The following PMM2 variants were observed in gnomAD, a reference collection of about 807,000 sequenced individuals.
PMM2 encodes phosphomannomutase 2.
In PMM2, 35 loss-of-function variants were observed where a neutral mutation model predicts 33.2. The ratio of observed to expected loss-of-function variants is 1.06; its 90% CI spans 0.81 to 1.40. The LOEUF (loss-of-function observed/expected upper bound fraction) is 1.40, where lower values mean the gene tolerates loss of function less well. PMM2 is among the 40% of genes most tolerant of loss of function. The pLI, the probability that PMM2 is intolerant of heterozygous loss-of-function variation, is 0.00. For synonymous variants in PMM2, 153 were observed against 114.7 expected, an observed-to-expected ratio of 1.33 and a Z score of -2.13; for missense variants, 386 against 306.0, an observed-to-expected ratio of 1.26 and a Z score of -1.95.
rs1056898 is a variant in PMM2 at position 8,848,822 on chromosome 16, A to G, written c.*997A>G. On this transcript the variant is annotated 3_prime_UTR_variant, in exon 8 of 8. Coordinates refer to ENST00000268261, the MANE Select transcript of PMM2 (RefSeq NM_000303.3). ...CCCAGGCCTTCACCCAGACTTTACC[A>G]CGGAGGCGGCTGAGTGCAGCTACAG... The G allele has an allele frequency of 0.28, 43,127 of 152,138 alleles. 6,258 individuals are homozygous for G. The highest frequency in any genetic ancestry group is 0.34 in the South Asian group (1,648 of 4,816). The allele number at this position is 152,138 out of a possible 1,614,324, so 9.4% of individuals were successfully genotyped here. A position where few individuals can be genotyped will look rare whatever the true frequency, so the allele number is the denominator to read the frequency against.
At chr16:8,809,420 G>A (rs1023501053) in intron 4 of PMM2, 2 of 152,152 alleles carry the variant, frequency 1.3e-5, no homozygotes, top group African/African-American at 2.4e-5. Flanking sequence ...AAGAAACTGG[G>A]TGGTTTTCTT....
intron 7 of PMM2, among the ~76,000 whole-genome samples, chr16:8,827,927 TATA>T (rs1890164229): frequency 5.5e-5 from 4 of 72,892 alleles, no homozygotes; most frequent in Non-Finnish European, 1.1e-4. Context: ...ATGTTTTATA[TATA>T]ATATATATTT....
chr16:8,818,859 T>C (rs2060721907), intron 7 of PMM2, among the ~76,000 whole-genome samples: 1 of 152,130 alleles, frequency 6.6e-6, no homozygotes, highest in Non-Finnish European at 1.5e-5. Flanking sequence ...TGGAGTACCT[T>C]GGTTTGTTGC....
intron 7 of PMM2, chr16:8,829,266 A>G (rs1449148399): frequency 6.6e-6 from 1 of 152,282 alleles, no homozygotes; most frequent in African/African-American, 2.4e-5. Flanking sequence ...CTGGCTGGTA[A>G]GAAATGTTTA....
In PMM2 at chr16:8,798,507, G is replaced by T. The variant is rs142141349; in HGVS notation, c.66+559G>T. On this transcript the variant is annotated intron_variant, in intron 1 of 7. Transcript: ENST00000268261. Reference sequence around the variant, plus strand: ...GTGAGGATCAAATGAGATTGTGTAAGTTCTTGAAAGTATGTTGGACACAAC... The same window carrying T: ...GTGAGGATCAAATGAGATTGTGTAATTTCTTGAAAGTATGTTGGACACAAC... Among the ~76,000 whole-genome samples the T allele has an allele frequency of 2.6e-5, 4 of 152,268 alleles. No homozygotes were observed. In the East Asian group the frequency reaches 7.7e-4, roughly 29 times the overall value.
At chr16:8,837,829 C>T (rs564895520) in intron 7 of PMM2, among the ~76,000 whole-genome samples, 2 of 152,184 alleles carry the variant, frequency 1.3e-5, no homozygotes, top group African/African-American at 4.8e-5. Context: ...ATCAGGCGTC[C>T]CTGCAGTGAT....
intron 7 of PMM2, among the ~76,000 whole-genome samples, chr16:8,820,489 G>T (rs57725336): frequency 0.024 from 3,576 of 152,076 alleles, 132 homozygotes; most frequent in African/African-American, 0.081. Context: ...GAGTAGCTGG[G>T]ATTACCGGTG....
At chr16:8,843,953 G>C (rs1222357903) in intron 7 of PMM2, among the ~76,000 whole-genome samples, 6 of 152,214 alleles carry the variant, frequency 3.9e-5, no homozygotes, top group African/African-American at 1.4e-4. Flanking sequence ...GGGACAGGCG[G>C]GAGGGAAAGA....
In PMM2 at chr16:8,847,940, C is replaced by A; in HGVS notation, c.*115C>A. On this transcript the variant is annotated 3_prime_UTR_variant, in exon 8 of 8. Coordinates refer to ENST00000268261, the MANE Select transcript of PMM2 (RefSeq NM_000303.3). ...CCACCCGCAGCCTAGGCAGGCTCTGCATGCTATGCCAGGCATGTGCAGTCT... is the reference window on the plus strand; with the variant it reads ...CCACCCGCAGCCTAGGCAGGCTCTGAATGCTATGCCAGGCATGTGCAGTCT... The A allele has an allele frequency of 1.3e-6, 1 of 742,742 alleles. No individual in the cohort carries two copies. The highest frequency in any genetic ancestry group is 2.4e-6 in the Non-Finnish European group (1 of 425,372). 46.0% of individuals were successfully genotyped at this position (742,742 alleles called of 1,614,324 possible). A position where few individuals can be genotyped will look rare whatever the true frequency, so the allele number is the denominator to read the frequency against.
intron 7 of PMM2, among the ~76,000 whole-genome samples, chr16:8,837,346 G>A (rs2060856707): frequency 6.6e-6 from 1 of 151,950 alleles, no homozygotes; most frequent in Non-Finnish European, 1.5e-5. Flanking sequence ...TTTGTATTGG[G>A]GTCAAGTGGA....
chr16:8,802,863 G>T (rs1284664717), intron 2 of PMM2, among the ~76,000 whole-genome samples: 2 of 151,890 alleles, frequency 1.3e-5, no homozygotes, highest in African/African-American at 4.8e-5. Context: ...TGGAGAGGTG[G>T]ATGAATTGAT....
chr16:8,800,982 C>T (rs554218617), intron 1 of PMM2, among the ~76,000 whole-genome samples: 13 of 152,276 alleles, frequency 8.5e-5, no homozygotes, highest in Admixed American at 3.3e-4. Context: ...CATGTCTGGC[C>T]CTAAGCTTCC....
intron 7 of PMM2, among the ~76,000 whole-genome samples, chr16:8,844,050 A>G (rs2060907845): frequency 6.6e-6 from 1 of 152,180 alleles, no homozygotes; most frequent in South Asian, 2.1e-4. Context: ...GGCACCTCAG[A>G]CTGTTTGCCC....
chr16:8,825,428 C>T (rs1320142888), intron 7 of PMM2, among the ~76,000 whole-genome samples: 3 of 151,896 alleles, frequency 2.0e-5, no homozygotes, highest in Non-Finnish European at 4.4e-5. Flanking sequence ...TGGGTTCAAG[C>T]GATTCTCCTG....
At chr16:8,811,210 G>T (rs1227839791) in intron 5 of PMM2, 32 bp downstream of exon 5, 1 of 1,354,856 alleles carries the variant, frequency 7.4e-7, no homozygotes. Flanking sequence ...TTGGTGAATG[G>T]CTGGGTTTAT....
At chr16:8,827,903 ATATTATATATAT>A (rs1283376530) in intron 7 of PMM2, among the ~76,000 whole-genome samples, 5 of 114,538 alleles carry the variant, frequency 4.4e-5, no homozygotes, top group African/African-American at 1.6e-4. Flanking sequence ...TATATGATAT[ATATTATATATAT>A]TATGTTTTAT....
At chr16:8,798,477 T>C (rs528987226) in intron 1 of PMM2, among the ~76,000 whole-genome samples, 1 of 152,170 alleles carries the variant, frequency 6.6e-6, no homozygotes, top group South Asian at 2.1e-4. Context: ...TTCCATATGG[T>C]GTCTGTGAGG....
intron 3 of PMM2, among the ~76,000 whole-genome samples, chr16:8,805,789 C>T (rs2060644768): frequency 6.6e-6 from 1 of 152,024 alleles, no homozygotes; most frequent in African/African-American, 2.4e-5. Context: ...AGGGTTTCAC[C>T]ATGTTTGCCA....
chr16:8,817,778 A>G (rs1384461293), intron 7 of PMM2, among the ~76,000 whole-genome samples: 3 of 152,332 alleles, frequency 2.0e-5, no homozygotes, highest in African/African-American at 4.8e-5. Flanking sequence ...TAATCATCCA[A>G]CAATGTCCCA....
Sources: gnomAD v4.1 joint callset for allele counts (sites outside exome capture counted in the v4.1 genomes callset) on GRCh38, gnomAD v4.1.1 for gene constraint, MANE v1.5 for transcripts, NCBI Gene and HGNC (gene_info 2026-07-23, HGNC 2026-07-21) for gene names.